Variants in BAIAP2L1 observed in about 807,000 individuals in gnomAD.
BAIAP2L1 encodes BAR/IMD domain containing adaptor protein 2 like 1.
Under a neutral mutation model 66.3 loss-of-function variants are expected in BAIAP2L1, and 35 were observed. That is an observed-to-expected ratio of 0.53 (90% CI 0.40 to 0.70). The LOEUF is 0.70. Among genes scored for constraint, BAIAP2L1 ranks in the 30% least tolerant of loss-of-function variants. BAIAP2L1 has a pLI of 0.00. For synonymous variants in BAIAP2L1, 269 were observed against 248.7 expected, an observed-to-expected ratio of 1.08 and a Z score of -0.77; for missense variants, 622 against 656.9, an observed-to-expected ratio of 0.95 and a Z score of 0.58.
At chr7:98,377,930 C>T (rs1377662535) in intron 1 of BAIAP2L1, among the ~76,000 whole-genome samples, 1 of 149,890 alleles carries the variant, frequency 6.7e-6, no homozygotes, top group Non-Finnish European at 1.5e-5. Context: ...GAGTTCGAGA[C>T]CAGCCTGGCC....
chr7:98,392,167 T>TA (rs5886065), intron 1 of BAIAP2L1, among the ~76,000 whole-genome samples: 1,819 of 120,732 alleles, frequency 0.015, 45 homozygotes, highest in African/African-American at 0.046. Context: ...ACCCCCTCGC[T>TA]AAAAAAAAAA....
At chr7:98,341,482 A>G (rs1367298017) in intron 3 of BAIAP2L1, among the ~76,000 whole-genome samples, 1 of 152,160 alleles carries the variant, frequency 6.6e-6, no homozygotes, top group Non-Finnish European at 1.5e-5. Flanking sequence ...CAGGAGTTCG[A>G]GACCAGCCTG....
intron 1 of BAIAP2L1, among the ~76,000 whole-genome samples, chr7:98,395,339 T>C (rs1368785101): frequency 6.6e-6 from 1 of 150,990 alleles, no homozygotes. Flanking sequence ...CTCAGGAGTC[T>C]GAGGGAGGAG....
intron 2 of BAIAP2L1, among the ~76,000 whole-genome samples, chr7:98,359,233 C>A (rs1358235782): frequency 6.6e-6 from 1 of 152,048 alleles, no homozygotes; most frequent in African/African-American, 2.4e-5. Flanking sequence ...AGTGTGCCAC[C>A]CATGCCAGTG....
At chr7:98,400,621 G>T (rs1172289185) in intron 1 of BAIAP2L1, among the ~76,000 whole-genome samples, 181 bp downstream of exon 1, 4 of 142,462 alleles carry the variant, frequency 2.8e-5, no homozygotes, top group Non-Finnish European at 4.6e-5. Flanking sequence ...GAAGGAGAGG[G>T]CCAGGGGAGG....
intron 3 of BAIAP2L1, among the ~76,000 whole-genome samples, chr7:98,326,905 C>A (rs1413510421): frequency 1.3e-5 from 2 of 151,948 alleles, no homozygotes; most frequent in African/African-American, 4.8e-5. Flanking sequence ...GTGTAGAGAT[C>A]AGACAACACC....
In BAIAP2L1 at chr7:98,357,331, G is replaced by A. The variant is rs571951595; in HGVS notation, c.128-2203C>T. 1.2e-4 allele frequency among the ~76,000 whole-genome samples: 18 copies of A among 150,990 alleles called. No homozygotes were observed. In the East Asian group the frequency reaches 3.5e-3, roughly 29 times the overall value. ...CACCTGTGATCCCAGTACTTTGGGA[G>A]GCTGAGGCAGGAGGATCACGAGGTC... is the stretch of plus-strand genomic sequence containing the variant. On this transcript the variant is annotated intron_variant, in intron 2 of 13. Coordinates refer to ENST00000005260, the MANE Select transcript of BAIAP2L1 (RefSeq NM_018842.5).
chr7:98,376,737 C>A (rs2115785925), intron 1 of BAIAP2L1, among the ~76,000 whole-genome samples: 1 of 151,126 alleles, frequency 6.6e-6, no homozygotes. Flanking sequence ...GGGGCTGAGG[C>A]AGGAGAATCA....
chr7:98,385,295 C>A (rs140391645), intron 1 of BAIAP2L1, among the ~76,000 whole-genome samples: 3 of 151,904 alleles, frequency 2.0e-5, no homozygotes, highest in Non-Finnish European at 2.9e-5. Context: ...GGTGACAGAG[C>A]GAGATTCTGT....
intron 1 of BAIAP2L1, among the ~76,000 whole-genome samples, chr7:98,390,552 C>A (rs576163205): frequency 2.0e-5 from 3 of 151,580 alleles, no homozygotes; most frequent in Admixed American, 6.6e-5. Context: ...CACGGTGAAA[C>A]CCCGTCTCTA....
At chr7:98,355,423 G>A (rs572632506) in intron 2 of BAIAP2L1, 107 of 413,428 alleles carry the variant, frequency 2.6e-4, no homozygotes, top group Non-Finnish European at 4.2e-4. Context: ...GTTTCAGAGT[G>A]GATGCGTTCC....
chr7:98,304,174 G>GC (rs1800540088), intron 12 of BAIAP2L1, 22 bp downstream of exon 12: 1 of 1,549,232 alleles, frequency 6.5e-7, no homozygotes. Flanking sequence ...GACCCAGGAC[G>GC]CCCTGCTGCG....
intron 1 of BAIAP2L1, among the ~76,000 whole-genome samples, chr7:98,376,657 C>CAAAA (rs71112147): frequency 7.6e-4 from 70 of 92,704 alleles, no homozygotes; most frequent in African/African-American, 1.4e-3. Flanking sequence ...CCCATCTTTA[C>CAAAA]AAAAAAAAAA....
chr7:98,294,250 CCTAATGTGCTGGGA>C, intron 12 of BAIAP2L1, 139 bp from the exon 13 acceptor site: 1 of 823,434 alleles, frequency 1.2e-6, no homozygotes, highest in South Asian at 1.6e-5. Context: ...ACCTTGGCCT[CCTAATGTGCTGGGA>C]CTACAGGTGT....
At chr7:98,367,231 T>G (rs1802406386) in intron 1 of BAIAP2L1, among the ~76,000 whole-genome samples, 1 of 152,168 alleles carries the variant, frequency 6.6e-6, no homozygotes, top group African/African-American at 2.4e-5. Context: ...GTATGCTTCC[T>G]GCAATGGTAT....
chr7:98,326,014 T>C (rs1215580727), intron 3 of BAIAP2L1, among the ~76,000 whole-genome samples: 1 of 152,194 alleles, frequency 6.6e-6, no homozygotes, highest in Non-Finnish European at 1.5e-5. Context: ...CGGGGTGCAA[T>C]GGCTCACGTC....
At chr7:98,298,883 C>T (rs1440767468) in intron 12 of BAIAP2L1, among the ~76,000 whole-genome samples, 1 of 152,056 alleles carries the variant, frequency 6.6e-6, no homozygotes, top group Non-Finnish European at 1.5e-5. Flanking sequence ...GCTCTGTCAC[C>T]CAGGCTGCAG....
intron 1 of BAIAP2L1, among the ~76,000 whole-genome samples, chr7:98,363,337 C>T (rs1441985128): frequency 6.6e-6 from 1 of 152,012 alleles, no homozygotes; most frequent in Non-Finnish European, 1.5e-5. Flanking sequence ...GCCCTGCCTC[C>T]CTGGCATTTT....
intron 3 of BAIAP2L1, among the ~76,000 whole-genome samples, chr7:98,349,934 G>A (rs1045455257): frequency 6.6e-6 from 1 of 151,878 alleles, no homozygotes; most frequent in African/African-American, 2.4e-5. Flanking sequence ...GCGCATGCCT[G>A]TAATCCCAGC....
Sources: gnomAD v4.1 joint callset for allele counts (sites outside exome capture counted in the v4.1 genomes callset) on GRCh38, gnomAD v4.1.1 for gene constraint, MANE v1.5 for transcripts, NCBI Gene and HGNC (gene_info 2026-07-23, HGNC 2026-07-21) for gene names.